ERMARD: variants seen among roughly 807,000 people sequenced by gnomAD.
ERMARD encodes ER membrane associated RNA degradation.
Under a neutral mutation model 83.9 loss-of-function variants are expected in ERMARD, and 71 were observed. That is an observed-to-expected ratio of 0.85 (90% CI 0.70 to 1.03). ERMARD has a LOEUF of 1.03. Among genes scored for constraint, ERMARD ranks in the 50% least tolerant of loss-of-function variants. The pLI, the probability that ERMARD is intolerant of heterozygous loss-of-function variation, is 0.00. For missense variants in ERMARD, 838 were observed against 810.9 expected, an observed-to-expected ratio of 1.03 and a Z score of -0.41; for synonymous variants, 284 against 298.6, an observed-to-expected ratio of 0.95 and a Z score of 0.50.
chr6:169,766,491 C>T lies in ERMARD; in HGVS notation c.961-147C>T, dbSNP rs77498508. 0.018 allele frequency: 10,476 copies of T among 583,876 alleles called. 148 individuals carry two copies. Among genetic ancestry groups the T allele is most frequent in the Middle Eastern group, 0.04 (116 of 2,900 alleles). The allele number at this position is 583,876 out of a possible 1,614,324, so 36.2% of individuals were successfully genotyped here. A position where few individuals can be genotyped will look rare whatever the true frequency, so the allele number is the denominator to read the frequency against. ...TGTTTATTTTGTCAGTGACATTCCTCTCATAGTGTTTCTAGATGAATGTTT... is the reference window on the plus strand; with the variant it reads ...TGTTTATTTTGTCAGTGACATTCCTTTCATAGTGTTTCTAGATGAATGTTT... On this transcript the variant is annotated intron_variant, in intron 9 of 17. Coordinates refer to ENST00000366773, the MANE Select transcript of ERMARD (RefSeq NM_018341.3).
Position 169,776,680 on chromosome 6 carries a change from G to C in ERMARD, c.1739+7G>C, listed in dbSNP as rs779442856. ...ACCTGCGTATGTGGAGTAGGTGCGC[G>C]CTCACTTTCCTGTTTTGGAGGGGCA... is the stretch of plus-strand genomic sequence containing the variant. On this transcript the variant is annotated splice_region_variant and intron_variant, in intron 16 of 17. Transcript: ENST00000366773. 6.2e-6 allele frequency: 10 copies of C among 1,612,782 alleles called. No homozygotes were observed. The highest frequency in any genetic ancestry group is 2.2e-5 in the East Asian group (1 of 44,878).
chr6:169,771,664 T>G (rs909223006), intron 12 of ERMARD: 1 of 152,212 alleles, frequency 6.6e-6, no homozygotes, highest in African/African-American at 2.4e-5. Context: ...ACCTCCAGCC[T>G]CCTAGGTGGC....
At chr6:169,767,616 A>G (rs1792372075) in intron 10 of ERMARD, 3 of 171,946 alleles carry the variant, frequency 1.7e-5, no homozygotes, top group Admixed American at 1.7e-4. Flanking sequence ...ACATGAACAC[A>G]TACCTCCATG....
chr6:169,773,343 AT>A lies in ERMARD; in HGVS notation c.1260del (p.Ser421ValfsTer21). On this transcript the variant is annotated frameshift_variant, in exon 13 of 18. Coordinates refer to ENST00000366773, the MANE Select transcript of ERMARD (RefSeq NM_018341.3). LOFTEE classifies it high-confidence loss of function. ...FKEKSAVELL[I>X]SLAEGYSSRC... is the part of the protein sequence containing the mutation. ...GGAAAAATCAGCCGTAGAATTGTTG[AT>A]TAGTCTTGCAGAAGGCTATAGTTCT... 1.2e-6 allele frequency: 2 copies of A among 1,614,146 alleles called. No homozygotes were observed. Among genetic ancestry groups the A allele is most frequent in the East Asian group, 2.2e-5 (1 of 44,888 alleles).
intron 8 of ERMARD, 27 bp from the exon 9 acceptor site, chr6:169,762,402 T>G (rs2128348158): frequency 6.3e-7 from 1 of 1,591,298 alleles, no homozygotes; most frequent in East Asian, 2.2e-5. Flanking sequence ...ATGTGGAGTT[T>G]TACCTCTTTT....
At chr6:169,763,591 G>A (rs885329) in intron 9 of ERMARD, among the ~76,000 whole-genome samples, 44,446 of 152,110 alleles carry the variant, frequency 0.29, 7,342 homozygotes, top group African/African-American at 0.45. Flanking sequence ...AGGTGCAGCC[G>A]CTCCACACCT....
chr6:169,768,297 C>G, intron 11 of ERMARD, 126 bp downstream of exon 11: 1 of 795,426 alleles, frequency 1.3e-6, no homozygotes, highest in Non-Finnish European at 2.0e-6. Flanking sequence ...CATTGCTGTG[C>G]TGTCTCAGCT....
intron 1 of ERMARD, chr6:169,751,882 G>T: frequency 1.6e-6 from 1 of 631,390 alleles, no homozygotes; most frequent in South Asian, 3.2e-5. Flanking sequence ...CGGCCTCCCT[G>T]GGCCAGGCTC....
At chr6:169,776,292 T>A (rs1793581187) in intron 15 of ERMARD, 163 bp from the exon 16 acceptor site, 5 of 1,551,580 alleles carry the variant, frequency 3.2e-6, no homozygotes, top group Non-Finnish European at 4.4e-6. Context: ...CAATTCAGTG[T>A]GTTTAGTTAA....
At chr6:169,773,236 G>A in intron 12 of ERMARD, 83 bp from the exon 13 acceptor site, 1 of 1,032,880 alleles carries the variant, frequency 9.7e-7, no homozygotes, top group East Asian at 2.4e-5. Flanking sequence ...GAGAAATGGG[G>A]ACTCTAAGTG....
chr6:169,774,519 GCCAT>G (rs1245710828), intron 13 of ERMARD, among the ~76,000 whole-genome samples: 2 of 152,156 alleles, frequency 1.3e-5, no homozygotes, highest in African/African-American at 4.8e-5. Flanking sequence ...GAGACTCCAG[GCCAT>G]CCTCTGCTGT....
In ERMARD at chr6:169,762,669, A is replaced by G. The variant is rs1791702452; in HGVS notation, c.960+138A>G. ...TTTAGCTAAGAACTGTGGAAGGCCT[A>G]TCATTTCTATAGGATTTATATTTAT... On this transcript the variant is annotated intron_variant, in intron 9 of 17. Transcript: ENST00000366773. 6 of 640,504 alleles carry G rather than the reference A, an allele frequency of 9.4e-6. No homozygotes were observed. The East Asian group carries it at 1.4e-4, about 15-fold the overall frequency. 39.7% of individuals were successfully genotyped at this position (640,504 alleles called of 1,614,324 possible). A position where few individuals can be genotyped will look rare whatever the true frequency, so the allele number is the denominator to read the frequency against.
At chr6:169,780,163 T>C (rs565568912) in intron 17 of ERMARD, among the ~76,000 whole-genome samples, 1 of 152,346 alleles carries the variant, frequency 6.6e-6, no homozygotes, top group East Asian at 1.9e-4. Flanking sequence ...TCCAGCTCAG[T>C]GTGCCCCATG....
intron 17 of ERMARD, among the ~76,000 whole-genome samples, chr6:169,780,453 C>T (rs1018032789): frequency 1.3e-5 from 2 of 152,184 alleles, no homozygotes; most frequent in Non-Finnish European, 2.9e-5. Context: ...GTGAAAACTA[C>T]CTGGCAAATG....
chr6:169,773,703 G>C (rs1357631481), intron 13 of ERMARD, among the ~76,000 whole-genome samples: 1 of 152,224 alleles, frequency 6.6e-6, no homozygotes, highest in Admixed American at 6.5e-5. Flanking sequence ...TGTTATTGCT[G>C]TCAGCAGTAA....
chr6:169,773,490 T>C lies in ERMARD; in HGVS notation c.1317+88T>C, dbSNP rs146278686. The C allele has an allele frequency of 4.2e-4, 570 of 1,346,080 alleles. No homozygotes were observed. The African/African-American group carries it at 6.0e-3, about 14-fold the overall frequency. The allele number at this position is 1,346,080 out of a possible 1,614,324, so 83.4% of individuals were successfully genotyped here. A position where few individuals can be genotyped will look rare whatever the true frequency, so the allele number is the denominator to read the frequency against. Reference sequence around the variant, plus strand: ...GAGATGCTGGAAGGGTGCAGTTTGCTTGCTGAGTCAGACTTTGAGTTGGGC... The same window carrying C: ...GAGATGCTGGAAGGGTGCAGTTTGCCTGCTGAGTCAGACTTTGAGTTGGGC... On this transcript the variant is annotated intron_variant, in intron 13 of 17. Coordinates refer to ENST00000366773, the MANE Select transcript of ERMARD (RefSeq NM_018341.3).
Position 169,781,467 on chromosome 6 carries a change from T to C in ERMARD, c.1991T>C (p.Met664Thr). ...TGGACTTTTAGTGAGAAGAAACAAA[T>C]GTTAATACATTTAGCCAAGAAATCC... is the stretch of plus-strand genomic sequence containing the variant. Reference protein sequence around the residue: ...KMWTFSEKKQMLIHLAKKSTS... With the variant: ...KMWTFSEKKQTLIHLAKKSTS... The change falls in exon 18 of 18, where the codon ATG (methionine) becomes ACG (threonine). Residue 664 changes from methionine to threonine, a missense_variant. Met to Thr is a moderately conservative substitution (Grantham distance 81, BLOSUM62 -1). Coordinates refer to ENST00000366773, the MANE Select transcript of ERMARD (RefSeq NM_018341.3). The C allele has an allele frequency of 5.6e-6, 9 of 1,608,570 alleles. No homozygotes were observed. The highest frequency in any genetic ancestry group is 7.6e-6 in the Non-Finnish European group (9 of 1,177,860).
chr6:169,756,012 CT>C (rs2128341956), intron 3 of ERMARD, among the ~76,000 whole-genome samples: 1 of 152,254 alleles, frequency 6.6e-6, no homozygotes, highest in South Asian at 2.1e-4. Context: ...GGATGAGTGC[CT>C]TGTGTGTATC....
intron 5 of ERMARD, 51 bp downstream of exon 5, chr6:169,756,859 G>T: frequency 6.6e-7 from 1 of 1,523,500 alleles, no homozygotes; most frequent in Non-Finnish European, 9.1e-7. Flanking sequence ...TTTTCATGCT[G>T]CTGTTAAAGA....
Sources: allele counts gnomAD v4.1 joint callset (sites outside exome capture counted in the v4.1 genomes callset), GRCh38; gene constraint gnomAD v4.1.1; transcripts MANE v1.5; gene names NCBI Gene and HGNC (gene_info 2026-07-23, HGNC 2026-07-21).